OVCH1: variants seen among roughly 807,000 people sequenced by gnomAD.
OVCH1 encodes ovochymase-1.
OVCH1 carries 139 observed loss-of-function variants against 138.4 expected under a neutral mutation model. The observed-to-expected ratio is 1.00, with a 90% CI of 0.87 to 1.16. The LOEUF (loss-of-function observed/expected upper bound fraction) is 1.16. OVCH1 is among the 50% of genes most tolerant of loss of function. OVCH1 has a pLI of 0.00. For synonymous variants in OVCH1, 453 were observed against 467.8 expected (o/e 0.97, Z 0.41); for missense variants, 1,367 against 1,357.9 (o/e 1.01, Z -0.11).
chr12:29,493,250 G>A (rs1943320117), intron 4 of OVCH1, among the ~76,000 whole-genome samples: 1 of 152,060 alleles, frequency 6.6e-6, no homozygotes, highest in Non-Finnish European at 1.5e-5. Flanking sequence ...ACTGTCTTCT[G>A]ACATTCACTT....
downstream of OVCH1, among the ~76,000 whole-genome samples, chr12:29,422,661 A>G (rs1431098693): frequency 6.6e-6 from 1 of 152,224 alleles, no homozygotes; most frequent in African/African-American, 2.4e-5. Flanking sequence ...TGATGAAATT[A>G]TGGCTTAAAA....
At chr12:29,405,021 C>CAAAAAAAAAAAAAAAAAAAAAAAAAA in the OVCH1 span, among the ~76,000 whole-genome samples, 2 of 80,440 alleles carry the variant, frequency 2.5e-5, no homozygotes, top group Admixed American at 1.5e-4. Flanking sequence ...CACTCCACCT[C>CAAAAAAAAAAAAAAAAAAAAAAAAAA]AAAAAAAAAA....
Position 29,437,677 on chromosome 12 carries a change from T to A in OVCH1, c.3264+1651A>T, listed in dbSNP as rs570765184. On this transcript the variant is annotated intron_variant, in intron 26 of 27. Coordinates refer to ENST00000318184, the Ensembl canonical transcript of OVCH1. ...CTTTAGTAAAGAGATGGCCAGAGGA[T>A]CAATTTCATTGTGACAAGAAACAAG... Among the ~76,000 whole-genome samples the A allele has an allele frequency of 6.6e-5, 10 of 152,320 alleles. No individual in the cohort carries two copies. The South Asian group carries it at 1.9e-3, about 28-fold the overall frequency.
chr12:29,431,543 A>G (rs1335792644), intron 27 of OVCH1, among the ~76,000 whole-genome samples: 1 of 151,678 alleles, frequency 6.6e-6, no homozygotes, highest in African/African-American at 2.4e-5. Flanking sequence ...ATTGTATTCC[A>G]TTTTATACCA....
At chr12:29,482,899 T>C (rs1464967260) in intron 8 of OVCH1, among the ~76,000 whole-genome samples, 1 of 152,226 alleles carries the variant, frequency 6.6e-6, no homozygotes, top group African/African-American at 2.4e-5. Flanking sequence ...TATCCACTTA[T>C]CAAGAGCATT....
chr12:29,431,541 C>T (rs1230213046), intron 27 of OVCH1, among the ~76,000 whole-genome samples: 1 of 151,756 alleles, frequency 6.6e-6, no homozygotes, highest in Non-Finnish European at 1.5e-5. Context: ...AAATTGTATT[C>T]CATTTTATAC....
At chr12:29,433,946 AGT>A (rs948140842) in intron 26 of OVCH1, 3 of 692,076 alleles carry the variant, frequency 4.3e-6, no homozygotes, top group Admixed American at 8.9e-5. Flanking sequence ...AAAAAAAATG[AGT>A]GTGAATGGAT....
At chr12:29,444,177 C>G (rs1448288284) in exon 24 of OVCH1, 1 of 1,609,558 alleles carries the variant, frequency 6.2e-7, no homozygotes, top group Admixed American at 1.7e-5. Flanking sequence ...TTCTTGGGAT[C>G]TGCATGATCC....
intron 22 of OVCH1, among the ~76,000 whole-genome samples, chr12:29,447,800 G>A (rs531495543): frequency 6.6e-6 from 1 of 152,202 alleles, no homozygotes. Context: ...GGGAAGGAAT[G>A]GATGATGCTG....
intron 8 of OVCH1, among the ~76,000 whole-genome samples, chr12:29,485,372 C>T (rs928711728): frequency 3.3e-5 from 5 of 149,400 alleles, no homozygotes; most frequent in East Asian, 2.0e-4. Context: ...CAGTGGTTCA[C>T]GCCTGTAATC....
chr12:29,411,245 G>A (rs1208760978), downstream of OVCH1, among the ~76,000 whole-genome samples: 2 of 136,796 alleles, frequency 1.5e-5, no homozygotes, highest in African/African-American at 5.1e-5. Context: ...TTTGCCTTTG[G>A]TTTGAATTTC....
intron 22 of OVCH1, among the ~76,000 whole-genome samples, chr12:29,448,977 A>G (rs182505362): frequency 7.9e-5 from 12 of 152,196 alleles, no homozygotes; most frequent in African/African-American, 2.9e-4. Flanking sequence ...GCAAGCCAAA[A>G]AGCTTTCATT....
chr12:29,479,258 A>G (rs1030709161), intron 8 of OVCH1, among the ~76,000 whole-genome samples: 1 of 149,330 alleles, frequency 6.7e-6, no homozygotes, highest in African/African-American at 2.4e-5. Context: ...CCTAAGATTC[A>G]TGTGAGTTAT....
chr12:29,465,305 T>C (rs1395959265), intron 16 of OVCH1, 86 bp from the exon 17 acceptor site: 3 of 1,113,694 alleles, frequency 2.7e-6, no homozygotes, highest in African/African-American at 1.6e-5. Context: ...ACTCTGAGAC[T>C]ATAAAGTCTT....
At chr12:29,496,460 A>G (rs538131938) in intron 2 of OVCH1, 96 bp downstream of exon 2, 1 of 1,237,180 alleles carries the variant, frequency 8.1e-7, no homozygotes, top group South Asian at 1.5e-5. Flanking sequence ...GGGGTTCAGG[A>G]GAAAAACTAC....
intron 3 of OVCH1, among the ~76,000 whole-genome samples, chr12:29,419,277 T>C (rs1941070636): frequency 6.6e-6 from 1 of 151,268 alleles, no homozygotes; most frequent in Admixed American, 6.7e-5. Flanking sequence ...TCCTCCATAA[T>C]ACTAAACAAA....
Position 29,486,238 on chromosome 12 carries a change from A to G in OVCH1, c.995+8T>C. The G allele has an allele frequency of 6.2e-7, 1 of 1,603,014 alleles. No homozygotes were observed. The highest frequency in any genetic ancestry group is 1.3e-5 in the African/African-American group (1 of 74,694). On this transcript the variant is annotated splice_region_variant and intron_variant, in intron 8 of 27. Coordinates refer to ENST00000318184, the Ensembl canonical transcript of OVCH1. Reference sequence around the variant, plus strand: ...CAAGTCAGCTTCCTTCTCTAATTAGAACCACACATACCCTTTCCTCTCTGG... The same window carrying G: ...CAAGTCAGCTTCCTTCTCTAATTAGGACCACACATACCCTTTCCTCTCTGG...
At chr12:29,427,038 G>A (rs1289807325), downstream of OVCH1, among the ~76,000 whole-genome samples, 1 of 152,148 alleles carries the variant, frequency 6.6e-6, no homozygotes, top group African/African-American at 2.4e-5. Context: ...TTACTCCCCT[G>A]TCAAAACTTA....
intron 8 of OVCH1, among the ~76,000 whole-genome samples, chr12:29,481,096 A>G (rs1942916720): frequency 1.3e-5 from 2 of 151,636 alleles, no homozygotes; most frequent in Non-Finnish European, 2.9e-5. Context: ...TTTGGCCTAT[A>G]CTTGAGGTGT....
Sources: allele counts gnomAD v4.1 joint callset (sites outside exome capture counted in the v4.1 genomes callset), GRCh38; gene constraint gnomAD v4.1.1; transcripts MANE v1.5; gene names NCBI Gene and HGNC (gene_info 2026-07-23, HGNC 2026-07-21).